HCN1: variants seen among roughly 807,000 people sequenced by gnomAD.
The protein encoded by HCN1 is hyperpolarization activated cyclic nucleotide gated potassium channel 1, also known as potassium/sodium hyperpolarization-activated cyclic nucleotide-gated channel 1.
In HCN1, 13 loss-of-function variants were observed where a neutral mutation model predicts 78.9. The ratio of observed to expected loss-of-function variants is 0.16; its 90% CI spans 0.11 to 0.26. HCN1 has a LOEUF of 0.26. HCN1 is among the 10% of genes least tolerant of loss of function. The pLI is 1.00. For missense variants in HCN1, 810 were observed against 1,154.3 expected, an observed-to-expected ratio of 0.70 and a Z score of 4.32; for synonymous variants, 552 against 455.5, an observed-to-expected ratio of 1.21 and a Z score of -2.70.
chr5:45,480,453 T>A (rs538823881), intron 2 of HCN1, among the ~76,000 whole-genome samples: 1 of 152,270 alleles, frequency 6.6e-6, no homozygotes, highest in South Asian at 2.1e-4. Context: ...GAAAACTCAT[T>A]AAGTTTGAGC....
At chr5:45,314,418 G>T (rs1236397132) in intron 5 of HCN1, among the ~76,000 whole-genome samples, 1 of 152,168 alleles carries the variant, frequency 6.6e-6, no homozygotes, top group African/African-American at 2.4e-5. Flanking sequence ...ATGCCACATT[G>T]TAAAGACCGT....
At chr5:45,682,687 A>T (rs1172452051) in intron 1 of HCN1, among the ~76,000 whole-genome samples, 1 of 152,060 alleles carries the variant, frequency 6.6e-6, no homozygotes, top group Admixed American at 6.6e-5. Flanking sequence ...TTCCAGATGG[A>T]GGGGGTGATA....
At chr5:45,359,059 G>A (rs1011753336) in intron 4 of HCN1, among the ~76,000 whole-genome samples, 175 of 152,086 alleles carry the variant, frequency 1.2e-3, no homozygotes, top group African/African-American at 3.6e-3. Flanking sequence ...CAATGATTGG[G>A]CATTTCTTTG....
In HCN1 at chr5:45,267,263, C is replaced by A; in HGVS notation, c.1619-10G>T. The A allele has an allele frequency of 6.2e-7, 1 of 1,613,324 alleles. No homozygotes were observed. Among genetic ancestry groups the A allele is most frequent in the Non-Finnish European group, 8.5e-7 (1 of 1,179,390 alleles). On this transcript the variant is annotated splice_polypyrimidine_tract_variant and intron_variant, in intron 6 of 7. Coordinates refer to ENST00000303230, the MANE Select transcript of HCN1 (RefSeq NM_021072.4). ...GTCAGCAGGCAAATCTCTATAAAAA[C>A]AAACAACAAAGAAGAATGACTTGTT...
intron 5 of HCN1, among the ~76,000 whole-genome samples, chr5:45,335,635 T>C (rs1034974514): frequency 6.6e-6 from 1 of 152,082 alleles, no homozygotes; most frequent in Non-Finnish European, 1.5e-5. Context: ...TAAATGTTTG[T>C]CACTCCCTAA....
chr5:45,538,370 T>C (rs180681865), intron 2 of HCN1, among the ~76,000 whole-genome samples: 116 of 152,304 alleles, frequency 7.6e-4, no homozygotes, highest in Middle Eastern at 3.4e-3. Flanking sequence ...ATAAGAAGCA[T>C]GTATTGTATA....
intron 2 of HCN1, among the ~76,000 whole-genome samples, chr5:45,488,204 T>C (rs1302621388): frequency 2.6e-5 from 4 of 152,146 alleles, no homozygotes; most frequent in East Asian, 1.9e-4. Context: ...CCTACACTTA[T>C]AATTCTCTTA....
intron 6 of HCN1, among the ~76,000 whole-genome samples, chr5:45,301,921 A>T (rs1032160936): frequency 6.6e-6 from 1 of 152,044 alleles, no homozygotes; most frequent in Non-Finnish European, 1.5e-5. Flanking sequence ...TAGTTGCATC[A>T]TATAAAATAT....
chr5:45,266,483 T>C (rs1449818807), intron 7 of HCN1, among the ~76,000 whole-genome samples: 1 of 152,192 alleles, frequency 6.6e-6, no homozygotes, highest in African/African-American at 2.4e-5. Flanking sequence ...TCTATTTCAA[T>C]GCTATCTAGA....
At chr5:45,444,534 A>G (rs1740745973) in intron 3 of HCN1, among the ~76,000 whole-genome samples, 1 of 152,150 alleles carries the variant, frequency 6.6e-6, no homozygotes, top group Non-Finnish European at 1.5e-5. Flanking sequence ...AGTATGCTTT[A>G]CATCTTTGGC....
At chr5:45,671,117 T>G (rs1447561025) in intron 1 of HCN1, among the ~76,000 whole-genome samples, 1 of 151,572 alleles carries the variant, frequency 6.6e-6, no homozygotes, top group African/African-American at 2.4e-5. Flanking sequence ...GAAAACAAGT[T>G]TATTTTCCAT....
intron 2 of HCN1, among the ~76,000 whole-genome samples, chr5:45,627,859 A>C (rs1745198249): frequency 6.6e-6 from 1 of 152,206 alleles, no homozygotes. Context: ...GAAAAATGTC[A>C]TAACATAATC....
At chr5:45,439,148 A>T (rs1313318045) in intron 3 of HCN1, among the ~76,000 whole-genome samples, 1 of 152,036 alleles carries the variant, frequency 6.6e-6, no homozygotes, top group East Asian at 1.9e-4. Flanking sequence ...TAATAATATG[A>T]TTATCTTGTT....
intron 3 of HCN1, among the ~76,000 whole-genome samples, chr5:45,431,691 G>T (rs901229332): frequency 2.6e-5 from 4 of 152,124 alleles, no homozygotes; most frequent in African/African-American, 7.2e-5. Flanking sequence ...TGACTAGGGA[G>T]TCCTTTCTCC....
At chr5:45,373,799 T>A (rs1219836263) in intron 4 of HCN1, among the ~76,000 whole-genome samples, 2 of 124,530 alleles carry the variant, frequency 1.6e-5, no homozygotes, top group Non-Finnish European at 3.2e-5. Context: ...ATATACGTCA[T>A]CTATAATATA....
rs189390925 is a variant in HCN1 at position 45,677,712 on chromosome 5, C to T, written c.425+17957G>A. On this transcript the variant is annotated intron_variant, in intron 1 of 7. Transcript: ENST00000303230. ...TGACAAGCAAGAGAGAGAAAGAGAG[C>T]GAGTAAATCTAAGTTCCCCTTTCTT... Among the ~76,000 whole-genome samples the T allele has an allele frequency of 7.9e-5, 12 of 151,706 alleles. No homozygotes were observed. The East Asian group carries it at 1.4e-3, about 17-fold the overall frequency.
At chr5:45,339,812 GGTTT>G (rs1393839980) in intron 5 of HCN1, among the ~76,000 whole-genome samples, 8 of 152,172 alleles carry the variant, frequency 5.3e-5, no homozygotes, top group Non-Finnish European at 8.8e-5. Flanking sequence ...GGAAATAAAA[GGTTT>G]GTCAGAGGAT....
intron 2 of HCN1, among the ~76,000 whole-genome samples, chr5:45,497,221 C>A (rs1035928744): frequency 6.6e-6 from 1 of 152,118 alleles, no homozygotes; most frequent in South Asian, 2.1e-4. Flanking sequence ...ATTAGGTCCA[C>A]TTGGTGCAGA....
intron 5 of HCN1, among the ~76,000 whole-genome samples, chr5:45,340,271 T>A (rs764266163): frequency 1.3e-5 from 2 of 152,198 alleles, no homozygotes; most frequent in Non-Finnish European, 2.9e-5. Context: ...CTTGTTATCT[T>A]CATTATATAT....
Sources: allele counts gnomAD v4.1 joint callset (sites outside exome capture counted in the v4.1 genomes callset), GRCh38; gene constraint gnomAD v4.1.1; transcripts MANE v1.5; gene names NCBI Gene and HGNC (gene_info 2026-07-23, HGNC 2026-07-21).